The following GRB10 variants were observed in gnomAD, a reference collection of about 807,000 sequenced individuals.
GRB10 encodes the protein growth factor receptor-bound protein 10.
GRB10 carries 20 observed loss-of-function variants against 80.9 expected under a neutral mutation model. That is an observed-to-expected ratio of 0.25 (90% CI 0.17 to 0.36). The LOEUF is 0.36. Among genes scored for constraint, GRB10 ranks in the 10% least tolerant of loss-of-function variants. The pLI, the probability that GRB10 is intolerant of heterozygous loss-of-function variation, is 1.00. For synonymous variants in GRB10, 291 were observed against 291.5 expected, an observed-to-expected ratio of 1.00 and a Z score of 0.02; for missense variants, 548 against 747.7, an observed-to-expected ratio of 0.73 and a Z score of 3.12.
chr7:50,602,058 C>CCAAA (rs60600905), intron 17 of GRB10, among the ~76,000 whole-genome samples: 143,061 of 152,028 alleles, frequency 0.94, 67,867 homozygotes, highest in East Asian at 1. Context: ...TAAACAAAAT[C>CCAAA]CAAACTAACA....
At chr7:50,788,013 C>T (rs1466927960) in intron 1 of GRB10, among the ~76,000 whole-genome samples, 12 of 152,198 alleles carry the variant, frequency 7.9e-5, no homozygotes, top group African/African-American at 1.9e-4. Context: ...CTAGGAACAG[C>T]GATCTCAAGC....
At chr7:50,716,783 G>A (rs1215214078) in intron 4 of GRB10, among the ~76,000 whole-genome samples, 3 of 152,194 alleles carry the variant, frequency 2.0e-5, no homozygotes, top group South Asian at 2.1e-4. Context: ...AGGCTCCCTC[G>A]CCCAACGGCT....
chr7:50,596,338 G>A (rs1563097512), intron 17 of GRB10, among the ~76,000 whole-genome samples: 3 of 152,162 alleles, frequency 2.0e-5, no homozygotes, highest in South Asian at 2.1e-4. Context: ...GAGGGCTTCC[G>A]GAGACGATGT....
intron 7 of GRB10, among the ~76,000 whole-genome samples, chr7:50,666,807 G>A (rs538137504): frequency 3.5e-4 from 53 of 152,160 alleles, no homozygotes; most frequent in African/African-American, 1.2e-3. Flanking sequence ...TTGGGAGGCC[G>A]AGGTGGGCGG....
chr7:50,606,728 C>A, intron 13 of GRB10: 1 of 351,208 alleles, frequency 2.8e-6, no homozygotes, highest in Non-Finnish European at 5.4e-6. Context: ...GTATTCTACA[C>A]CATATTTTTA....
intron 2 of GRB10, among the ~76,000 whole-genome samples, chr7:50,760,418 C>T (rs1472147998): frequency 6.6e-6 from 1 of 152,146 alleles, no homozygotes; most frequent in East Asian, 1.9e-4. Context: ...AAAGATTAAA[C>T]ATCATAAGGA....
Position 50,725,522 on chromosome 7 carries a change from T to G in GRB10, c.51+6750A>C, listed in dbSNP as rs78292882. ...GGTTTTTGTAGGTCTAGTAGAAACT[T>G]TGACACTTTACAACAGAAAAGGCAA... is the stretch of plus-strand genomic sequence containing the variant. On this transcript the variant is annotated intron_variant, in intron 4 of 18. Coordinates refer to ENST00000401949, the MANE Select transcript of GRB10 (RefSeq NM_001350814.2). Among the ~76,000 whole-genome samples the G allele has an allele frequency of 3.9e-3, 599 of 152,284 alleles. 3 individuals carry two copies. The highest frequency in any genetic ancestry group is 0.014 in the African/African-American group (584 of 41,564).
chr7:50,719,745 T>G (rs565885565), intron 4 of GRB10, among the ~76,000 whole-genome samples: 1 of 152,258 alleles, frequency 6.6e-6, no homozygotes, highest in South Asian at 2.1e-4. Context: ...GGATGCCACT[T>G]TCTCCATGAA....
At chr7:50,741,614 A>G (rs1295289237) in intron 3 of GRB10, among the ~76,000 whole-genome samples, 2 of 152,086 alleles carry the variant, frequency 1.3e-5, no homozygotes, top group Admixed American at 6.5e-5. Flanking sequence ...TCTGGCCTAA[A>G]TAAGTGGTTC....
At position 50,742,868 on chromosome 7, in the gene GRB10, C is replaced by T. The variant is rs1234120335; in HGVS notation, c.-46-10500G>A. On this transcript the variant is annotated intron_variant, in intron 3 of 18. Coordinates refer to ENST00000401949, the MANE Select transcript of GRB10 (RefSeq NM_001350814.2). The stretch of plus-strand genomic sequence containing the variant: ...ATATTGGGGAAAAAATTCAGTAACG[C>T]TTTGAAGAATCATATCTCACTTCCT... Among the ~76,000 whole-genome samples the T allele has an allele frequency of 3.9e-5, 6 of 152,118 alleles. No individual in the cohort carries two copies. The South Asian group carries it at 1.0e-3, about 26-fold the overall frequency.
chr7:50,703,989 A>G, intron 4 of GRB10, 81 bp from the exon 5 acceptor site: 1 of 917,688 alleles, frequency 1.1e-6, no homozygotes, highest in Admixed American at 1.8e-5. Flanking sequence ...CTTCCCCAGC[A>G]TTTCCTTTCT....
At chr7:50,645,597 AC>A in intron 7 of GRB10, 1 of 985,148 alleles carries the variant, frequency 1.0e-6, no homozygotes, top group Non-Finnish European at 1.2e-6. Context: ...TGCACATCTT[AC>A]CCCCATCCTC....
At position 50,765,413 on chromosome 7, in the gene GRB10, T is replaced by C. The variant is rs533297312; in HGVS notation, c.-216-9357A>G. Among the ~76,000 whole-genome samples the C allele has an allele frequency of 3.9e-5, 6 of 152,364 alleles. No individual in the cohort carries two copies. The East Asian group carries it at 1.2e-3, about 29-fold the overall frequency. On this transcript the variant is annotated intron_variant, in intron 2 of 18. Transcript: ENST00000401949. Reference sequence around the variant, plus strand: ...CAATAGCCAAGATATGGAATCGATCTAAGTGTCCAACAACAATGAACTCAT... The same window carrying C: ...CAATAGCCAAGATATGGAATCGATCCAAGTGTCCAACAACAATGAACTCAT...
At chr7:50,785,944 A>G (rs1017740903), upstream of GRB10, among the ~76,000 whole-genome samples, 3 of 152,252 alleles carry the variant, frequency 2.0e-5, no homozygotes, top group Non-Finnish European at 4.4e-5. Context: ...ATGTGTCAAT[A>G]GTCAACTGTA....
chr7:50,751,211 C>G (rs372871288), intron 3 of GRB10, among the ~76,000 whole-genome samples: 1 of 152,116 alleles, frequency 6.6e-6, no homozygotes, highest in Non-Finnish European at 1.5e-5. Flanking sequence ...ACCAGACACC[C>G]AAGACCTCAG....
intron 7 of GRB10, among the ~76,000 whole-genome samples, chr7:50,653,228 G>T (rs532601014): frequency 6.6e-6 from 1 of 152,154 alleles, no homozygotes; most frequent in African/African-American, 2.4e-5. Flanking sequence ...GGGCCCCAGT[G>T]CATGCTCCGA....
rs183633035 is a variant in GRB10, at chr7:50,604,405, G to A, written c.1390-28C>T. ...GCAAAAGAAATCCCACATTAGCACC[G>A]AGGACAGCAGACAGACACACCAAGT... On this transcript the variant is annotated intron_variant, in intron 15 of 18. Transcript: ENST00000401949. The A allele has an allele frequency of 1.7e-4, 262 of 1,577,482 alleles. 2 individuals carry two copies. In the African/African-American group the frequency reaches 3.1e-3, roughly 19 times the overall value.
At chr7:50,634,153 A>T (rs538642400) in intron 7 of GRB10, among the ~76,000 whole-genome samples, 1 of 152,334 alleles carries the variant, frequency 6.6e-6, no homozygotes, top group South Asian at 2.1e-4. Flanking sequence ...GTGTCAAATC[A>T]CCTATAATGG....
In GRB10 at chr7:50,782,535, C is replaced by T. The variant is rs1445402105; in HGVS notation, c.-438G>A. 2 of 150,496 alleles carry T rather than the reference C, an allele frequency of 1.3e-5. No individual in the cohort carries two copies. The highest frequency in any genetic ancestry group is 2.4e-5 in the African/African-American group (1 of 41,288). The allele number at this position is 150,496 out of a possible 1,614,324, so 9.3% of individuals were successfully genotyped here. A position where few individuals can be genotyped will look rare whatever the true frequency, so the allele number is the denominator to read the frequency against. On this transcript the variant is annotated 5_prime_UTR_variant, in exon 1 of 19. Transcript: ENST00000401949. This position sits in a 1 kb window ranked among gnomAD's most constrained non-coding sequence, Gnocchi z 6.6. ...AGTGCCCGGCGCGTGGACAGCGCTC[C>T]GCATGGACAGCGCTCGGAGCCGGGC...
Sources: allele counts gnomAD v4.1 joint callset (sites outside exome capture counted in the v4.1 genomes callset), GRCh38; gene constraint gnomAD v4.1.1; non-coding constraint Gnocchi (gnomAD v3.1); transcripts MANE v1.5; gene names NCBI Gene and HGNC (gene_info 2026-07-23, HGNC 2026-07-21).